Variants in C1orf87 observed in about 807,000 individuals in gnomAD.
The protein encoded by C1orf87 is chromosome 1 open reading frame 87.
In C1orf87, 58 loss-of-function variants were observed where a neutral mutation model predicts 60.5. The ratio of observed to expected loss-of-function variants is 0.96; its 90% CI spans 0.78 to 1.19. The LOEUF (loss-of-function observed/expected upper bound fraction) is 1.19, where lower values mean the gene tolerates loss of function less well. Ranked by LOEUF, C1orf87 falls within the 50% of genes most tolerant of loss-of-function variation. The pLI, the probability that C1orf87 is intolerant of heterozygous loss-of-function variation, is 0.00. For synonymous variants in C1orf87, 236 were observed against 227.4 expected (o/e 1.04, Z -0.34); for missense variants, 673 against 638.6 (o/e 1.05, Z -0.58).
intron 8 of C1orf87, 112 bp from the exon 9 acceptor site, chr1:60,010,568 C>T: frequency 1.1e-6 from 1 of 910,586 alleles, no homozygotes. Context: ...TTTGATACTT[C>T]TATCATTTAA....
rs551522403 is a variant in C1orf87 at position 60,040,150 on chromosome 1, T to A, written c.514A>T (p.Asn172Tyr). The change falls in exon 5 of 12, where the codon AAT (asparagine) becomes TAT (tyrosine). Residue 172 changes from asparagine (N) to tyrosine (Y), a missense_variant. Physicochemically the swap from Asn to Tyr is moderately radical, Grantham distance 143 (BLOSUM62 -2). Coordinates refer to ENST00000371201, the MANE Select transcript of C1orf87 (RefSeq NM_152377.3). Reference sequence around the variant, plus strand: ...AGGGCAAGAAGAAAAGCGTCTTCATTTGTTGTCCCACTTGGGCTCTGGCCA... The same window carrying A: ...AGGGCAAGAAGAAAAGCGTCTTCATATGTTGTCCCACTTGGGCTCTGGCCA... ...DIGQSPSGTT[N>Y]EDAFLLALVR... 2 of 1,613,858 alleles carry A rather than the reference T, an allele frequency of 1.2e-6. No homozygotes were observed. The highest frequency in any genetic ancestry group is 1.3e-5 in the African/African-American group (1 of 74,964).
chr1:60,064,496 A>G (rs1574329887), intron 2 of C1orf87, among the ~76,000 whole-genome samples: 1 of 136,678 alleles, frequency 7.3e-6, no homozygotes, highest in Non-Finnish European at 1.5e-5. Flanking sequence ...AAGAATGCAC[A>G]TACCTTAATT....
intron 11 of C1orf87, among the ~76,000 whole-genome samples, chr1:59,992,928 A>G (rs11207561): frequency 0.052 from 7,966 of 152,208 alleles, 734 homozygotes; most frequent in African/African-American, 0.18. Flanking sequence ...TCATTTATGT[A>G]AACCTCATTC....
chr1:60,065,148 G>T (rs1645536939), intron 2 of C1orf87, among the ~76,000 whole-genome samples: 1 of 136,238 alleles, frequency 7.3e-6, no homozygotes, highest in South Asian at 2.4e-4. Flanking sequence ...TATACAAAAA[G>T]AAAAAAAAAT....
chr1:60,044,134 A>G (rs1435886884), intron 3 of C1orf87, among the ~76,000 whole-genome samples: 1 of 152,164 alleles, frequency 6.6e-6, no homozygotes, highest in Non-Finnish European at 1.5e-5. Context: ...GATTCACACC[A>G]TTCTCTTGCC....
At chr1:60,032,769 A>G (rs1645248261) in intron 7 of C1orf87, among the ~76,000 whole-genome samples, 1 of 152,106 alleles carries the variant, frequency 6.6e-6, no homozygotes, top group African/African-American at 2.4e-5. Context: ...TTAAATGGGT[A>G]TTATAAGGAC....
chr1:60,039,468 G>A (rs1350638785), intron 5 of C1orf87, among the ~76,000 whole-genome samples: 1 of 152,062 alleles, frequency 6.6e-6, no homozygotes, highest in Non-Finnish European at 1.5e-5. Flanking sequence ...ACAAGTTATT[G>A]GACATCCTCT....
chr1:60,021,138 C>G (rs1273465143), intron 8 of C1orf87, among the ~76,000 whole-genome samples: 1 of 152,144 alleles, frequency 6.6e-6, no homozygotes, highest in Non-Finnish European at 1.5e-5. Context: ...GGCCTCCCAG[C>G]CATGCTTACT....
intron 3 of C1orf87, among the ~76,000 whole-genome samples, chr1:60,046,102 TTCC>T (rs1645365985): frequency 6.6e-6 from 1 of 151,028 alleles, no homozygotes; most frequent in Admixed American, 6.6e-5. Context: ...TCTCTCTTTT[TTCC>T]TCCTTTCCTC....
At chr1:60,063,842 G>T (rs1026553584) in intron 2 of C1orf87, among the ~76,000 whole-genome samples, 1 of 152,096 alleles carries the variant, frequency 6.6e-6, no homozygotes, top group African/African-American at 2.4e-5. Flanking sequence ...ATGGTGTTCT[G>T]ATTTTTATGA....
chr1:60,062,847 G>T (rs1231000558), intron 2 of C1orf87, among the ~76,000 whole-genome samples: 1 of 151,998 alleles, frequency 6.6e-6, no homozygotes, highest in Non-Finnish European at 1.5e-5. Context: ...CTCAATATTT[G>T]GGATCAACGG....
intron 8 of C1orf87, among the ~76,000 whole-genome samples, chr1:60,015,474 G>T (rs1645118812): frequency 6.6e-6 from 1 of 152,192 alleles, no homozygotes; most frequent in Non-Finnish European, 1.5e-5. Flanking sequence ...AAATACCGCA[G>T]ATCACATGGC....
Position 59,991,974 on chromosome 1 carries a change from G to T in C1orf87, c.1481-1141C>A, listed in dbSNP as rs1644926814. Among the ~76,000 whole-genome samples the T allele has an allele frequency of 2.0e-5, 3 of 152,034 alleles. No homozygotes were observed. In the South Asian group the frequency reaches 6.2e-4, roughly 32 times the overall value. Reference sequence around the variant, plus strand: ...CTCTGGAAGTTCTCTGTCCCGTGGGGGAGAGAAGTTATTCAGAAAATTAAC... The same window carrying T: ...CTCTGGAAGTTCTCTGTCCCGTGGGTGAGAGAAGTTATTCAGAAAATTAAC... On this transcript the variant is annotated intron_variant, in intron 11 of 11. Transcript: ENST00000371201.
intron 2 of C1orf87, among the ~76,000 whole-genome samples, chr1:60,057,629 T>C (rs1292104158): frequency 1.3e-5 from 2 of 152,134 alleles, no homozygotes; most frequent in Non-Finnish European, 2.9e-5. Flanking sequence ...GGGTTAAGGT[T>C]GTAGAAAAAT....
In C1orf87 at chr1:60,072,660, C is replaced by T. The variant is rs368565690; in HGVS notation, c.-17G>A. On this transcript the variant is annotated 5_prime_UTR_variant, in exon 2 of 12. Coordinates refer to ENST00000371201, the MANE Select transcript of C1orf87 (RefSeq NM_152377.3). ...TGAAGACATGATTCCTTTCAAAATCCCTTCAGATCCCTAGGGGTGAAAATA... is the reference window on the plus strand; with the variant it reads ...TGAAGACATGATTCCTTTCAAAATCTCTTCAGATCCCTAGGGGTGAAAATA... 220 of 1,553,662 alleles carry T rather than the reference C, an allele frequency of 1.4e-4. 4 individuals carry two copies. In the South Asian group the frequency reaches 2.4e-3, roughly 17 times the overall value.
chr1:59,998,633 A>G (rs1283022813), intron 10 of C1orf87, among the ~76,000 whole-genome samples: 1 of 152,146 alleles, frequency 6.6e-6, no homozygotes, highest in Non-Finnish European at 1.5e-5. Flanking sequence ...CTATCTGCAT[A>G]GTTTAGGACT....
At chr1:60,025,546 C>T (rs1327570028) in intron 7 of C1orf87, 48 bp from the exon 8 acceptor site, 1 of 1,358,120 alleles carries the variant, frequency 7.4e-7, no homozygotes, top group Non-Finnish European at 1.0e-6. Context: ...CACTAGGATA[C>T]AAAATGTTTC....
Position 60,055,342 on chromosome 1 carries a change from G to C in C1orf87, c.204C>G (p.Pro68=). The stretch of plus-strand genomic sequence containing the variant: ...TGGTTTGCTGATCAGTGAAGTTAAT[G>C]GGAACTGGGGTGTCTCTGCTCATCT... ...ARQMSRDTPV[P]INFTDQQTTD... Residue 68 remains proline, a synonymous_variant, in exon 3 of 12, where the codon CCC becomes CCG. Transcript: ENST00000371201. The C allele has an allele frequency of 6.2e-7, 1 of 1,614,096 alleles. No homozygotes were observed. The highest frequency in any genetic ancestry group is 8.5e-7 in the Non-Finnish European group (1 of 1,179,972).
Position 60,053,545 on chromosome 1 carries a change from G to A in C1orf87, c.342+1659C>T, listed in dbSNP as rs947562036. On this transcript the variant is annotated intron_variant, in intron 3 of 11. Transcript: ENST00000371201. ...CTCACAGAACCATTAAAGATGATGCGTAGGATGATTTTTTTCATGCCAAGG... is the reference window on the plus strand; with the variant it reads ...CTCACAGAACCATTAAAGATGATGCATAGGATGATTTTTTTCATGCCAAGG... 1.1e-4 allele frequency among the ~76,000 whole-genome samples: 16 copies of A among 151,830 alleles called. No homozygotes were observed. The Middle Eastern group carries it at 0.01, about 97-fold the overall frequency.
Sources: allele counts gnomAD v4.1 joint callset (sites outside exome capture counted in the v4.1 genomes callset), GRCh38; gene constraint gnomAD v4.1.1; transcripts MANE v1.5; gene names NCBI Gene and HGNC (gene_info 2026-07-23, HGNC 2026-07-21).